Variants in NSD1 observed in about 807,000 individuals in gnomAD.
The protein encoded by NSD1 is histone-lysine N-methyltransferase, H3 lysine-36 specific.
A neutral mutation model predicts 242.7 loss-of-function variants in NSD1; 26 were observed. The observed-to-expected ratio is 0.11, with a 90% CI of 0.08 to 0.15. The LOEUF (loss-of-function observed/expected upper bound fraction) is 0.15, where lower values mean the gene tolerates loss of function less well. Among genes scored for constraint, NSD1 ranks in the 10% least tolerant of loss-of-function variants. NSD1 has a pLI of 1.00. For synonymous variants in NSD1, 1,106 were observed against 1,178.1 expected (o/e 0.94, Z 1.25); for missense variants, 2,495 against 3,272.8 (o/e 0.76, Z 5.80).
chr5:177,287,631 G>A (rs1051060856), intron 20 of NSD1, among the ~76,000 whole-genome samples: 4 of 152,088 alleles, frequency 2.6e-5, no homozygotes, highest in Non-Finnish European at 4.4e-5. Context: ...GTGAGACTCC[G>A]TCTCAAAGAA....
In NSD1 at chr5:177,238,634, A is replaced by G; in HGVS notation, c.4192+127A>G. 9.9e-7 allele frequency: 1 copy of G among 1,015,206 alleles called. No homozygotes were observed. The highest frequency in any genetic ancestry group is 1.5e-6 in the Non-Finnish European group (1 of 663,066). 62.9% of individuals were successfully genotyped at this position (1,015,206 alleles called of 1,614,324 possible). A position where few individuals can be genotyped will look rare whatever the true frequency, so the allele number is the denominator to read the frequency against. ...ATAAACTACCCCCTTTTGTCCTGGG[A>G]AATACTTAAAATGATGGTTAATTAG... On this transcript the variant is annotated intron_variant, in intron 7 of 22. Coordinates refer to ENST00000439151, the MANE Select transcript of NSD1 (RefSeq NM_022455.5). The surrounding 1 kb of genome is among the most constrained non-coding windows in gnomAD (Gnocchi z 4.6).
intron 2 of NSD1, among the ~76,000 whole-genome samples, chr5:177,167,874 C>T (rs954278855): frequency 6.6e-6 from 1 of 152,126 alleles, no homozygotes; most frequent in Non-Finnish European, 1.5e-5. Flanking sequence ...TGAGGAGCAT[C>T]TGTATTGTTT....
rs867906109 is a variant in NSD1, at chr5:177,151,473, C to G, written c.927+15443C>G. Among the ~76,000 whole-genome samples, 4 of 152,082 alleles carry G rather than the reference C, an allele frequency of 2.6e-5. No homozygotes were observed. In the South Asian group the frequency reaches 8.3e-4, roughly 31 times the overall value. On this transcript the variant is annotated intron_variant, in intron 2 of 22. Coordinates refer to ENST00000439151, the MANE Select transcript of NSD1 (RefSeq NM_022455.5). ...GCACAGTCTCGGCTCCCTGCAACTT[C>G]TGCCTCCCGGGTTCAAGCGATTCAC... is the stretch of plus-strand genomic sequence containing the variant.
At chr5:177,185,215 C>G (rs1008467724) in intron 2 of NSD1, among the ~76,000 whole-genome samples, 1 of 152,076 alleles carries the variant, frequency 6.6e-6, no homozygotes, top group Non-Finnish European at 1.5e-5. Flanking sequence ...TGCCTGTAAT[C>G]CCAGTACTTT....
chr5:177,289,985 G>A (rs1695719242), intron 21 of NSD1, among the ~76,000 whole-genome samples: 1 of 151,356 alleles, frequency 6.6e-6, no homozygotes. Context: ...CCGCCACCAT[G>A]CCCGGCTAAT....
intron 5 of NSD1, among the ~76,000 whole-genome samples, chr5:177,232,061 A>G (rs1304756961): frequency 1.3e-5 from 2 of 151,938 alleles, no homozygotes; most frequent in Non-Finnish European, 1.5e-5. Context: ...CACCACAGGC[A>G]GCTATATTTT....
intron 2 of NSD1, among the ~76,000 whole-genome samples, chr5:177,184,405 C>T (rs1483557025): frequency 2.0e-5 from 3 of 151,982 alleles, no homozygotes; most frequent in Admixed American, 2.0e-4. Context: ...GTTTGCCATT[C>T]GTATGTCTTT....
intron 18 of NSD1, 63 bp downstream of exon 18, chr5:177,280,897 C>G: frequency 1.3e-6 from 2 of 1,529,892 alleles, no homozygotes; most frequent in Non-Finnish European, 1.8e-6. Flanking sequence ...ATCATTGATC[C>G]TTGACATTAG....
At chr5:177,193,316 G>C (rs1337905014) in intron 3 of NSD1, among the ~76,000 whole-genome samples, 1 of 151,888 alleles carries the variant, frequency 6.6e-6, no homozygotes, top group African/African-American at 2.4e-5. Context: ...AATTTTTTTG[G>C]TATTTTTAGT....
At chr5:177,145,843 G>GTA (rs889745950) in intron 2 of NSD1, among the ~76,000 whole-genome samples, 1 of 151,528 alleles carries the variant, frequency 6.6e-6, no homozygotes, top group African/African-American at 2.4e-5. Context: ...GGGAGGCGGA[G>GTA]GTTGTAGTGA....
At chr5:177,244,933 C>T (rs1364418168) in intron 9 of NSD1, among the ~76,000 whole-genome samples, 1 of 152,066 alleles carries the variant, frequency 6.6e-6, no homozygotes, top group African/African-American at 2.4e-5. Context: ...AATATCAGGC[C>T]GTTCATGGTG....
Position 177,238,101 on chromosome 5 carries a change from C to T in NSD1, c.3922-136C>T, listed in dbSNP as rs1465333158. 1.1e-6 allele frequency: 1 copy of T among 921,442 alleles called. No individual in the cohort carries two copies. Among genetic ancestry groups the T allele is most frequent in the Non-Finnish European group, 1.8e-6 (1 of 562,690 alleles). 57.1% of individuals were successfully genotyped at this position (921,442 alleles called of 1,614,324 possible). A position where few individuals can be genotyped will look rare whatever the true frequency, so the allele number is the denominator to read the frequency against. On this transcript the variant is annotated intron_variant, in intron 6 of 22. Coordinates refer to ENST00000439151, the MANE Select transcript of NSD1 (RefSeq NM_022455.5). This position sits in a 1 kb window ranked among gnomAD's most constrained non-coding sequence, Gnocchi z 4.6. Reference sequence around the variant, plus strand: ...GTCTTAAGTAATTTCCCTTAGCATACATAATGTCTTCAAGGTTCATCCACT... The same window carrying T: ...GTCTTAAGTAATTTCCCTTAGCATATATAATGTCTTCAAGGTTCATCCACT...
intron 5 of NSD1, among the ~76,000 whole-genome samples, chr5:177,233,647 G>A (rs186133846): frequency 6.7e-6 from 1 of 150,024 alleles, no homozygotes; most frequent in East Asian, 2.0e-4. Flanking sequence ...TTTCTTACCA[G>A]TTCGTTATTA....
At chr5:177,245,999 T>C (rs957248219) in intron 9 of NSD1, among the ~76,000 whole-genome samples, 26 of 149,662 alleles carry the variant, frequency 1.7e-4, no homozygotes, top group Middle Eastern at 3.5e-3. Context: ...AGATGGAGTT[T>C]CGCTCTTGTT....
intron 2 of NSD1, among the ~76,000 whole-genome samples, chr5:177,160,591 C>T (rs540599035): frequency 1.9e-4 from 29 of 152,066 alleles, no homozygotes; most frequent in Non-Finnish European, 3.8e-4. Flanking sequence ...GAGTGAGCCA[C>T]TGTGCCCCGC....
chr5:177,228,367 C>T (rs2149874501), intron 5 of NSD1, among the ~76,000 whole-genome samples: 1 of 151,400 alleles, frequency 6.6e-6, no homozygotes, highest in Middle Eastern at 3.4e-3. Flanking sequence ...CAGACATGCA[C>T]CACCACGCTA....
chr5:177,287,407 A>G (rs1759421836), intron 20 of NSD1, among the ~76,000 whole-genome samples: 1 of 152,228 alleles, frequency 6.6e-6, no homozygotes, highest in Non-Finnish European at 1.5e-5. Flanking sequence ...TTGGGAGGCC[A>G]AGGTGGGAGG....
chr5:177,133,704 G>C (rs1383969142), upstream of NSD1: 1 of 148,970 alleles, frequency 6.7e-6, no homozygotes, highest in African/African-American at 2.4e-5. The surrounding 1 kb of genome is among the most constrained non-coding windows in gnomAD (Gnocchi z 6.2). Flanking sequence ...AGCCGCACGC[G>C]GGCCGGCGCG....
intron 3 of NSD1, among the ~76,000 whole-genome samples, chr5:177,198,267 C>G (rs1054340173): frequency 2.6e-5 from 4 of 152,154 alleles, no homozygotes; most frequent in African/African-American, 9.7e-5. Flanking sequence ...CTTAAGTGAT[C>G]CTCCCGCCTT....
Sources: allele counts gnomAD v4.1 joint callset (sites outside exome capture counted in the v4.1 genomes callset), GRCh38; gene constraint gnomAD v4.1.1; non-coding constraint Gnocchi (gnomAD v3.1); transcripts MANE v1.5; gene names NCBI Gene and HGNC (gene_info 2026-07-23, HGNC 2026-07-21).